The following DAB1 variants were observed in gnomAD, a reference collection of about 807,000 sequenced individuals.
DAB1 encodes the protein disabled homolog 1.
In DAB1, 15 loss-of-function variants were observed where a neutral mutation model predicts 64.6. The observed-to-expected ratio is 0.23, with a 90% CI of 0.16 to 0.36. DAB1 has a LOEUF of 0.36. Ranked by LOEUF, DAB1 falls within the 10% of genes least tolerant of loss-of-function variation. The pLI is 1.00. For missense variants in DAB1, 596 were observed against 706.7 expected, an observed-to-expected ratio of 0.84 and a Z score of 1.78; for synonymous variants, 235 against 251.9, an observed-to-expected ratio of 0.93 and a Z score of 0.64.
chr1:57,728,744 G>A (rs189175218), intron 6 of DAB1, among the ~76,000 whole-genome samples: 26 of 152,252 alleles, frequency 1.7e-4, no homozygotes, highest in Admixed American at 1.2e-3. Context: ...ATTTTCAAAA[G>A]AAACCAAAAT....
At chr1:57,064,307 C>T (rs1037835679) in intron 8 of DAB1, among the ~76,000 whole-genome samples, 7 of 152,140 alleles carry the variant, frequency 4.6e-5, no homozygotes, top group South Asian at 2.1e-4. Flanking sequence ...TTGCCCAAAT[C>T]GTCAAAGCTG....
chr1:58,235,387 T>C (rs1034574003), intron 4 of DAB1, among the ~76,000 whole-genome samples: 6 of 152,182 alleles, frequency 3.9e-5, no homozygotes, highest in African/African-American at 1.4e-4. Flanking sequence ...TTGAGGCTGT[T>C]ATGTATTTAT....
rs143691994 is a variant in DAB1 at position 57,264,880 on chromosome 1, A to G, written c.67+26084T>C. ...AATATCTCAGCTGTCAATATCAACA[A>G]TAGTAATCTCAGAAAAAATAACTGC... On this transcript the variant is annotated intron_variant, in intron 2 of 14. Transcript: ENST00000371236. Among the ~76,000 whole-genome samples, 4 of 152,332 alleles carry G rather than the reference A, an allele frequency of 2.6e-5. No individual in the cohort carries two copies. The East Asian group carries it at 7.7e-4, about 29-fold the overall frequency.
At chr1:57,413,666 C>G (rs1173992011) in intron 1 of DAB1, among the ~76,000 whole-genome samples, 2 of 147,320 alleles carry the variant, frequency 1.4e-5, no homozygotes, top group Non-Finnish European at 3.0e-5. Context: ...ATGGCTTGAA[C>G]TCGGGAGGTA....
intron 14 of DAB1, among the ~76,000 whole-genome samples, chr1:57,000,554 C>T (rs905605590): frequency 6.6e-6 from 1 of 152,166 alleles, no homozygotes; most frequent in Admixed American, 6.5e-5. Context: ...AAATCTATTC[C>T]TTTCCAGTCT....
intron 7 of DAB1, among the ~76,000 whole-genome samples, chr1:57,553,986 A>G (rs996352980): frequency 3.9e-5 from 6 of 152,218 alleles, no homozygotes; most frequent in Admixed American, 1.3e-4. Flanking sequence ...GCAGATATGC[A>G]AAGGGAAGTT....
At chr1:58,520,301 G>C (rs1646242300) in intron 2 of DAB1, among the ~76,000 whole-genome samples, 1 of 152,112 alleles carries the variant, frequency 6.6e-6, no homozygotes, top group African/African-American at 2.4e-5. Context: ...GAAAACACTT[G>C]CAAGACACAT....
intron 9 of DAB1, among the ~76,000 whole-genome samples, chr1:57,054,470 C>CTTTTTTT (rs58175883): frequency 3.3e-4 from 23 of 69,470 alleles, no homozygotes; most frequent in East Asian, 9.0e-4. Flanking sequence ...CAGGAATGTG[C>CTTTTTTT]TTTTTTTTTT....
At chr1:57,130,932 T>C (rs1657599268) in intron 4 of DAB1, among the ~76,000 whole-genome samples, 1 of 152,254 alleles carries the variant, frequency 6.6e-6, no homozygotes, top group Non-Finnish European at 1.5e-5. Context: ...GTTTTTCATC[T>C]ACATGAATTT....
intron 1 of DAB1, among the ~76,000 whole-genome samples, chr1:57,829,378 G>A (rs893339214): frequency 1.3e-5 from 2 of 152,092 alleles, no homozygotes; most frequent in African/African-American, 4.8e-5. Context: ...TGGCAGTTTC[G>A]TATTTGTTTT....
intron 1 of DAB1, among the ~76,000 whole-genome samples, chr1:57,868,567 A>G (rs548246267): frequency 6.6e-6 from 1 of 152,230 alleles, no homozygotes; most frequent in East Asian, 1.9e-4. Context: ...GTATTTTAGG[A>G]TATTTTACAG....
intron 1 of DAB1, among the ~76,000 whole-genome samples, chr1:57,328,996 T>A (rs1196759728): frequency 6.6e-6 from 1 of 152,238 alleles, no homozygotes; most frequent in Non-Finnish European, 1.5e-5. Context: ...AAATTATTAA[T>A]GTTGACAGCA....
chr1:57,637,307 A>G (rs1646068895), intron 7 of DAB1, among the ~76,000 whole-genome samples: 1 of 152,184 alleles, frequency 6.6e-6, no homozygotes, highest in Admixed American at 6.5e-5. Flanking sequence ...AGCTTCAGTG[A>G]GTCATATATT....
At chr1:57,904,334 C>A in intron 5 of DAB1, among the ~76,000 whole-genome samples, 1 of 152,108 alleles carries the variant, frequency 6.6e-6, no homozygotes, top group Admixed American at 6.6e-5. Context: ...CCTATTTATT[C>A]TTCAAAATCT....
At chr1:58,286,969 C>T (rs140000406) in intron 4 of DAB1, among the ~76,000 whole-genome samples, 2,268 of 152,208 alleles carry the variant, frequency 0.015, 62 homozygotes, top group African/African-American at 0.052. Flanking sequence ...ACATATACAC[C>T]GTGGAATACT....
At chr1:57,322,728 A>C (rs1239742080) in intron 1 of DAB1, among the ~76,000 whole-genome samples, 1 of 152,212 alleles carries the variant, frequency 6.6e-6, no homozygotes, top group African/African-American at 2.4e-5. Flanking sequence ...ATGTTTAAGA[A>C]AGTACCTATA....
chr1:57,364,371 T>G (rs1679796756), intron 1 of DAB1, among the ~76,000 whole-genome samples: 1 of 152,100 alleles, frequency 6.6e-6, no homozygotes, highest in Non-Finnish European at 1.5e-5. Context: ...AGACATGTGG[T>G]CTAGTCACAG....
intron 4 of DAB1, among the ~76,000 whole-genome samples, chr1:57,134,149 C>A (rs1657869288): frequency 6.6e-6 from 1 of 152,132 alleles, no homozygotes; most frequent in Non-Finnish European, 1.5e-5. Flanking sequence ...AGAAGGCAGT[C>A]CATTTAACTG....
intron 6 of DAB1, among the ~76,000 whole-genome samples, chr1:57,675,214 G>T (rs1251579283): frequency 6.6e-6 from 1 of 152,110 alleles, no homozygotes; most frequent in Admixed American, 6.6e-5. Context: ...CCAGAGATTT[G>T]GGGATATTTT....
Sources: gnomAD v4.1 joint callset for allele counts (sites outside exome capture counted in the v4.1 genomes callset) on GRCh38, gnomAD v4.1.1 for gene constraint, MANE v1.5 for transcripts, NCBI Gene and HGNC (gene_info 2026-07-23, HGNC 2026-07-21) for gene names.